The following PLXNA4 variants were observed in gnomAD, a reference collection of about 807,000 sequenced individuals.
PLXNA4 encodes plexin A4.
In PLXNA4, 44 loss-of-function variants were observed where a neutral mutation model predicts 191.8. That is an observed-to-expected ratio of 0.23 (90% CI 0.18 to 0.29). PLXNA4 has a LOEUF of 0.29. PLXNA4 is among the 10% of genes least tolerant of loss of function. PLXNA4 has a pLI of 1.00. For synonymous variants in PLXNA4, 1,082 were observed against 1,009.5 expected, an observed-to-expected ratio of 1.07 and a Z score of -1.36; for missense variants, 1,800 against 2,488.8, an observed-to-expected ratio of 0.72 and a Z score of 5.89.
At chr7:132,179,131 TCACACACGTGCGTGCTCA>T (rs1195513998) in intron 20 of PLXNA4, among the ~76,000 whole-genome samples, 7 of 51,666 alleles carry the variant, frequency 1.4e-4, no homozygotes, top group African/African-American at 2.8e-4. Context: ...ACGTGCGTGC[TCACACACGTGCGTGCTCA>T]CACACACACA....
chr7:132,330,759 C>T (rs1041031365), intron 3 of PLXNA4, among the ~76,000 whole-genome samples: 3 of 152,216 alleles, frequency 2.0e-5, no homozygotes, highest in African/African-American at 2.4e-5. Context: ...TCCAAGGTCA[C>T]AGACAGCACC....
At chr7:132,217,897 CTTTTTTTTTT>C (rs138576612) in intron 9 of PLXNA4, among the ~76,000 whole-genome samples, 99 of 43,430 alleles carry the variant, frequency 2.3e-3, no homozygotes, top group Admixed American at 3.1e-3. Flanking sequence ...GCTGGATTTG[CTTTTTTTTTT>C]TTTTTTTTTT....
In PLXNA4 at chr7:132,135,777, G is replaced by A. The variant is rs137936961; in HGVS notation, c.5439-2578C>T. ...ATCTCATCTAGAGGTCCTGGGTGAC[G>A]TGCCTCTCCTGAACACATCATCCTC... On this transcript the variant is annotated intron_variant, in intron 30 of 31. Transcript: ENST00000321063. 7.9e-5 allele frequency among the ~76,000 whole-genome samples: 12 copies of A among 152,262 alleles called. No individual in the cohort carries two copies. In the South Asian group the frequency reaches 1.5e-3, roughly 18 times the overall value.
At chr7:132,331,249 T>C (rs1802579345) in intron 3 of PLXNA4, among the ~76,000 whole-genome samples, 1 of 152,252 alleles carries the variant, frequency 6.6e-6, no homozygotes, top group African/African-American at 2.4e-5. Context: ...AAGATGGATA[T>C]GGGAGCATCT....
At chr7:132,608,083 ACC>A in intron 2 of PLXNA4, among the ~76,000 whole-genome samples, 1 of 6,390 alleles carries the variant, frequency 1.6e-4, no homozygotes, top group African/African-American at 6.1e-4. Context: ...CACCATCACC[ACC>A]ATCATCCTCA....
intron 1 of PLXNA4, among the ~76,000 whole-genome samples, chr7:132,648,022 C>T (rs1803915051): frequency 6.6e-6 from 1 of 151,778 alleles, no homozygotes; most frequent in African/African-American, 2.4e-5. Context: ...CACACATATA[C>T]TCACACACAC....
chr7:132,157,440 T>C (rs1257199747), intron 25 of PLXNA4, among the ~76,000 whole-genome samples: 1 of 152,188 alleles, frequency 6.6e-6, no homozygotes. Context: ...CCAGGCTTTT[T>C]AAGGGAGTGA....
intron 3 of PLXNA4, among the ~76,000 whole-genome samples, chr7:132,313,851 G>T (rs866292551): frequency 9.9e-5 from 15 of 152,084 alleles, no homozygotes; most frequent in African/African-American, 2.9e-4. Context: ...CTCCTACCCT[G>T]TCTCTAAGGG....
intron 4 of PLXNA4, among the ~76,000 whole-genome samples, chr7:132,268,912 G>A (rs1172458333): frequency 6.6e-6 from 1 of 152,188 alleles, no homozygotes; most frequent in Non-Finnish European, 1.5e-5. Context: ...TTTTGAGCAA[G>A]GGGACACGGT....
At chr7:132,539,068 C>G (rs534452051) in intron 1 of PLXNA4, among the ~76,000 whole-genome samples, 1 of 152,218 alleles carries the variant, frequency 6.6e-6, no homozygotes, top group South Asian at 2.1e-4. Flanking sequence ...CACCCTCTCA[C>G]CCTCCTTGCT....
At chr7:132,225,427 G>A (rs896607518) in intron 8 of PLXNA4, among the ~76,000 whole-genome samples, 4 of 152,178 alleles carry the variant, frequency 2.6e-5, no homozygotes, top group African/African-American at 4.8e-5. Flanking sequence ...TTTGTGTGAC[G>A]CCCTTGGAAG....
At chr7:132,280,611 G>A (rs1195633739) in intron 4 of PLXNA4, among the ~76,000 whole-genome samples, 1 of 152,058 alleles carries the variant, frequency 6.6e-6, no homozygotes, top group Non-Finnish European at 1.5e-5. Flanking sequence ...CTGTTCTTCA[G>A]GAAAAGAACA....
At chr7:132,548,642 T>C (rs1800413953) in intron 1 of PLXNA4, among the ~76,000 whole-genome samples, 1 of 152,222 alleles carries the variant, frequency 6.6e-6, no homozygotes, top group Admixed American at 6.5e-5. Flanking sequence ...TGTTATTTCC[T>C]AGTTTGCAGA....
In PLXNA4 at chr7:132,327,688, C is replaced by T. The variant is rs553626330; in HGVS notation, c.1372-29466G>A. On this transcript the variant is annotated intron_variant, in intron 3 of 31. Coordinates refer to ENST00000321063, the MANE Select transcript of PLXNA4 (RefSeq NM_020911.2). ...TGTGAGGAAGGTCACATCTGGATCC[C>T]GCATGATTTATTCATCAAAGTATAC... 2.4e-4 allele frequency among the ~76,000 whole-genome samples: 36 copies of T among 152,266 alleles called. No individual in the cohort carries two copies. In the South Asian group the frequency reaches 7.1e-3, roughly 30 times the overall value.
chr7:132,438,833 A>G (rs1795578244), intron 3 of PLXNA4, among the ~76,000 whole-genome samples: 1 of 152,148 alleles, frequency 6.6e-6, no homozygotes, highest in Non-Finnish European at 1.5e-5. Flanking sequence ...TTGTCAACAT[A>G]TCAAAACAAA....
intron 1 of PLXNA4, among the ~76,000 whole-genome samples, chr7:132,524,907 C>G (rs1333741474): frequency 1.3e-5 from 2 of 152,074 alleles, no homozygotes; most frequent in African/African-American, 4.8e-5. Flanking sequence ...GTTTAAAACT[C>G]GTGATAAAAT....
intron 3 of PLXNA4, among the ~76,000 whole-genome samples, chr7:132,336,185 C>G (rs1014072376): frequency 2.6e-5 from 4 of 152,210 alleles, no homozygotes; most frequent in African/African-American, 4.8e-5. Context: ...TCCACACCAA[C>G]TCTGTTTCTG....
chr7:132,531,796 C>A (rs1229085021), intron 1 of PLXNA4, among the ~76,000 whole-genome samples: 2 of 152,190 alleles, frequency 1.3e-5, no homozygotes, highest in African/African-American at 4.8e-5. Flanking sequence ...GTGATTCTCA[C>A]CTGGAGCCCA....
chr7:132,368,811 T>G (rs1490770593), intron 3 of PLXNA4, among the ~76,000 whole-genome samples: 1 of 152,116 alleles, frequency 6.6e-6, no homozygotes, highest in Non-Finnish European at 1.5e-5. Flanking sequence ...CCAGGTGAAA[T>G]TTGCAGTCAC....
Sources: gnomAD v4.1 joint callset for allele counts (sites outside exome capture counted in the v4.1 genomes callset) on GRCh38, gnomAD v4.1.1 for gene constraint, MANE v1.5 for transcripts, NCBI Gene and HGNC (gene_info 2026-07-23, HGNC 2026-07-21) for gene names.